The following MAGI1 variants were observed in gnomAD, a reference collection of about 807,000 sequenced individuals.
The protein encoded by MAGI1 is membrane-associated guanylate kinase, WW and PDZ domain-containing protein 1.
Under a neutral mutation model 139.9 loss-of-function variants are expected in MAGI1, and 58 were observed. The observed-to-expected ratio is 0.41, with a 90% CI of 0.34 to 0.52. The LOEUF is 0.52. Among genes scored for constraint, MAGI1 ranks in the 20% least tolerant of loss-of-function variants. MAGI1 has a pLI of 0.12. For missense variants in MAGI1, 1,874 were observed against 1,901.6 expected, an observed-to-expected ratio of 0.99 and a Z score of 0.27; for synonymous variants, 812 against 737.9, an observed-to-expected ratio of 1.10 and a Z score of -1.63.
chr3:65,558,414 C>T (rs907605996), intron 2 of MAGI1, among the ~76,000 whole-genome samples: 3 of 152,082 alleles, frequency 2.0e-5, no homozygotes, highest in Admixed American at 6.6e-5. Context: ...CTGATGATAG[C>T]TGAGGCAAGA....
intron 1 of MAGI1, among the ~76,000 whole-genome samples, chr3:65,828,955 C>G (rs948075261): frequency 6.6e-6 from 1 of 152,146 alleles, no homozygotes; most frequent in Non-Finnish European, 1.5e-5. Flanking sequence ...AATGGCCCTC[C>G]GCTGACAGCC....
At chr3:65,932,982 A>G (rs2062872007) in intron 1 of MAGI1, among the ~76,000 whole-genome samples, 1 of 152,260 alleles carries the variant, frequency 6.6e-6, no homozygotes, top group Admixed American at 6.5e-5. Context: ...TTGATATGAA[A>G]GAGAATACCA....
chr3:65,604,656 C>A (rs1248426317), intron 2 of MAGI1, among the ~76,000 whole-genome samples: 1 of 151,684 alleles, frequency 6.6e-6, no homozygotes, highest in Admixed American at 6.6e-5. Flanking sequence ...ACCAAAAACA[C>A]CAACTTGAAA....
At chr3:65,951,193 G>A (rs1239122545) in intron 1 of MAGI1, among the ~76,000 whole-genome samples, 1 of 152,184 alleles carries the variant, frequency 6.6e-6, no homozygotes, top group African/African-American at 2.4e-5. Flanking sequence ...TCTCCTCCCA[G>A]AGAATTCTGC....
intron 1 of MAGI1, among the ~76,000 whole-genome samples, chr3:66,021,838 A>G (rs1466936099): frequency 1.3e-5 from 2 of 152,192 alleles, no homozygotes; most frequent in Non-Finnish European, 1.5e-5. Context: ...CCCGGTGACT[A>G]TAACTTGAAA....
intron 1 of MAGI1, chr3:65,688,292 C>A: frequency 1.2e-6 from 1 of 831,678 alleles, no homozygotes; most frequent in Non-Finnish European, 2.0e-6. Context: ...AGATCCTTGG[C>A]CAGGAGGGTG....
At chr3:65,525,164 A>G (rs1345028456) in intron 2 of MAGI1, among the ~76,000 whole-genome samples, 2 of 152,082 alleles carry the variant, frequency 1.3e-5, no homozygotes, top group Non-Finnish European at 2.9e-5. Context: ...GCTCACTGCC[A>G]TCAATCAGCA....
At chr3:65,497,909 C>T (rs992206074) in intron 2 of MAGI1, among the ~76,000 whole-genome samples, 2 of 152,104 alleles carry the variant, frequency 1.3e-5, no homozygotes, top group Non-Finnish European at 2.9e-5. Context: ...GGCAAGTCTC[C>T]ACCCACAAAA....
At chr3:65,663,792 A>G (rs2086340154) in intron 1 of MAGI1, among the ~76,000 whole-genome samples, 1 of 152,092 alleles carries the variant, frequency 6.6e-6, no homozygotes, top group Non-Finnish European at 1.5e-5. Flanking sequence ...TCTTTGACCT[A>G]AACCCACTAG....
intron 1 of MAGI1, among the ~76,000 whole-genome samples, chr3:65,797,877 A>C (rs1481267362): frequency 6.6e-6 from 1 of 152,226 alleles, no homozygotes; most frequent in Non-Finnish European, 1.5e-5. Context: ...ATCTAAGGAT[A>C]CACTCAAATC....
chr3:65,440,957 A>C (rs1452740828), intron 8 of MAGI1, among the ~76,000 whole-genome samples: 2 of 151,556 alleles, frequency 1.3e-5, no homozygotes, highest in East Asian at 3.9e-4. Flanking sequence ...TATACGTATA[A>C]ATATACATTA....
At chr3:65,633,804 A>G (rs953971068) in intron 1 of MAGI1, among the ~76,000 whole-genome samples, 2 of 152,224 alleles carry the variant, frequency 1.3e-5, no homozygotes, top group Non-Finnish European at 2.9e-5. Flanking sequence ...TGGTAAAGTA[A>G]TATAGCTGAT....
At chr3:65,432,037 G>A (rs553296963) in intron 10 of MAGI1, among the ~76,000 whole-genome samples, 293 of 152,076 alleles carry the variant, frequency 1.9e-3, no homozygotes, top group African/African-American at 6.6e-3. Flanking sequence ...TAGAGGTATC[G>A]CTAAATTATT....
intron 1 of MAGI1, among the ~76,000 whole-genome samples, chr3:65,999,232 C>T (rs538321848): frequency 6.6e-6 from 1 of 152,184 alleles, no homozygotes; most frequent in East Asian, 1.9e-4. Context: ...CGCACAACCC[C>T]GCACTCCCTG....
At chr3:65,420,191 T>C (rs755274101) in intron 12 of MAGI1, among the ~76,000 whole-genome samples, 8 of 152,174 alleles carry the variant, frequency 5.3e-5, no homozygotes, top group Non-Finnish European at 8.8e-5. Context: ...ACACTGCAAA[T>C]GGAATTCGAA....
At chr3:65,653,429 T>G (rs1015477846) in intron 1 of MAGI1, among the ~76,000 whole-genome samples, 3 of 152,156 alleles carry the variant, frequency 2.0e-5, no homozygotes, top group Non-Finnish European at 2.9e-5. Flanking sequence ...CCGATGTGCT[T>G]AGAATAAATT....
chr3:65,796,406 C>T (rs2040152460), intron 1 of MAGI1, among the ~76,000 whole-genome samples: 1 of 152,144 alleles, frequency 6.6e-6, no homozygotes, highest in South Asian at 2.1e-4. Context: ...TGGTGTTTCA[C>T]CAAATACCTG....
chr3:65,542,743 A>G (rs1160237766), intron 2 of MAGI1, among the ~76,000 whole-genome samples: 1 of 152,230 alleles, frequency 6.6e-6, no homozygotes, highest in Non-Finnish European at 1.5e-5. Flanking sequence ...CGTTATAAAA[A>G]AATTAACTCG....
At chr3:65,633,968 G>C (rs1460792788) in intron 1 of MAGI1, among the ~76,000 whole-genome samples, 1 of 152,172 alleles carries the variant, frequency 6.6e-6, no homozygotes, top group African/African-American at 2.4e-5. Flanking sequence ...TACTCTATTA[G>C]AATTCTAACT....
Sources: gnomAD v4.1 joint callset for allele counts (sites outside exome capture counted in the v4.1 genomes callset) on GRCh38, gnomAD v4.1.1 for gene constraint, MANE v1.5 for transcripts, NCBI Gene and HGNC (gene_info 2026-07-23, HGNC 2026-07-21) for gene names.